TMPRSS15: variants seen among roughly 807,000 people sequenced by gnomAD.
TMPRSS15 encodes the protein enteropeptidase.
In TMPRSS15, 128 loss-of-function variants were observed where a neutral mutation model predicts 125.3. The ratio of observed to expected loss-of-function variants is 1.02; its 90% confidence interval spans 0.89 to 1.18. TMPRSS15 has a LOEUF of 1.18. Ranked by LOEUF, TMPRSS15 falls within the 50% of genes most tolerant of loss-of-function variation. The pLI is 0.00. For synonymous variants in TMPRSS15, 446 were observed against 423.2 expected (o/e 1.05, Z -0.66); for missense variants, 1,283 against 1,212.7 (o/e 1.06, Z -0.86).
chr21:18,353,078 A>T (rs746098068), intron 9 of TMPRSS15, 26 bp from the exon 10 acceptor site: 3 of 1,598,040 alleles, frequency 1.9e-6, no homozygotes, highest in Non-Finnish European at 2.6e-6. Context: ...AAGAAGGAAT[A>T]AAAAAAATTT....
chr21:18,282,199 C>A (rs2074709858), intron 21 of TMPRSS15, among the ~76,000 whole-genome samples: 1 of 150,844 alleles, frequency 6.6e-6, no homozygotes, highest in South Asian at 2.1e-4. Context: ...ACAATGTTGG[C>A]CATCTATAAT....
intron 1 of TMPRSS15, among the ~76,000 whole-genome samples, chr21:18,412,199 C>T (rs7283463): frequency 0.99 from 150,250 of 152,288 alleles, 74,146 homozygotes; most frequent in Middle Eastern, 1. Context: ...TTAATAATCC[C>T]AGTGCCCAGA....
chr21:18,470,489 T>C (rs955911826), intron 1 of TMPRSS15, among the ~76,000 whole-genome samples: 1 of 152,030 alleles, frequency 6.6e-6, no homozygotes, highest in African/African-American at 2.4e-5. Context: ...TCTAAGCAAA[T>C]GCTGAGTTAT....
intron 1 of TMPRSS15, among the ~76,000 whole-genome samples, chr21:18,429,859 A>T (rs2076212670): frequency 6.6e-6 from 1 of 152,230 alleles, no homozygotes; most frequent in Non-Finnish European, 1.5e-5. Flanking sequence ...ATGTTCAACT[A>T]CATGTTACTC....
At chr21:18,440,698 G>T (rs2076239603) in intron 1 of TMPRSS15, among the ~76,000 whole-genome samples, 1 of 151,892 alleles carries the variant, frequency 6.6e-6, no homozygotes, top group African/African-American at 2.4e-5. Context: ...TTGAATAATT[G>T]TGTATTTAAC....
chr21:18,423,148 G>A (rs2076195690), intron 1 of TMPRSS15, among the ~76,000 whole-genome samples: 2 of 152,274 alleles, frequency 1.3e-5, no homozygotes, highest in East Asian at 3.9e-4. Flanking sequence ...ATGACTTATA[G>A]TTTACTCTTG....
In TMPRSS15 at chr21:18,398,181, C is replaced by G. The variant is rs772595252; in HGVS notation, c.276+18G>C. 1 of 1,613,394 alleles carries G rather than the reference C, an allele frequency of 6.2e-7. No homozygotes were observed. The highest frequency in any genetic ancestry group is 8.5e-7 in the Non-Finnish European group (1 of 1,179,588). On this transcript the variant is annotated intron_variant, in intron 2 of 24. Transcript: ENST00000284885. ...TAAACTGTGTTATAAAATTTGAAAC[C>G]AGCTGTCAGTCTCCTACCATTTGCT...
intron 1 of TMPRSS15, among the ~76,000 whole-genome samples, chr21:18,476,529 C>G (rs532720819): frequency 2.0e-5 from 3 of 152,128 alleles, no homozygotes; most frequent in South Asian, 4.1e-4. Flanking sequence ...GTGCTTGAAA[C>G]AAACTATTTT....
rs562037268 is a variant in TMPRSS15 at position 18,402,679 on chromosome 21, A to G, written c.145+799T>C. 7.2e-5 allele frequency among the ~76,000 whole-genome samples: 11 copies of G among 152,242 alleles called. 1 individual carries two copies. In the South Asian group the frequency reaches 2.3e-3, roughly 32 times the overall value. ...TTCAATTTTTTAAATTTACCCTATA[A>G]ATGAATAAGTGGTAAGATGGACTAT... On this transcript the variant is annotated intron_variant, in intron 1 of 24. Coordinates refer to ENST00000284885, the MANE Select transcript of TMPRSS15 (RefSeq NM_002772.3).
Position 18,343,833 on chromosome 21 carries a change from A to C in TMPRSS15, c.1277+122T>G, listed in dbSNP as rs971795078. 3.4e-6 allele frequency: 4 copies of C among 1,178,570 alleles called. No individual in the cohort carries two copies. The Middle Eastern group carries it at 5.8e-4, about 172-fold the overall frequency. The allele number at this position is 1,178,570 out of a possible 1,614,324, so 73.0% of individuals were successfully genotyped here. A position where few individuals can be genotyped will look rare whatever the true frequency, so the allele number is the denominator to read the frequency against. On this transcript the variant is annotated intron_variant, in intron 11 of 24. Transcript: ENST00000284885. The stretch of plus-strand genomic sequence containing the variant: ...TGTTTTATTGCTTATCAGTTGGGAA[A>C]AGTAATAGTATATGCATTAAAACTT...
chr21:18,381,494 C>T (rs1247257668), intron 4 of TMPRSS15, among the ~76,000 whole-genome samples: 1 of 152,074 alleles, frequency 6.6e-6, no homozygotes, highest in Non-Finnish European at 1.5e-5. Context: ...GAAATACCTA[C>T]AATTAACTTG....
At chr21:18,464,172 CAAAA>C (rs1163284712) in intron 1 of TMPRSS15, among the ~76,000 whole-genome samples, 7 of 37,184 alleles carry the variant, frequency 1.9e-4, no homozygotes, top group South Asian at 1.3e-3. Context: ...GACTCCGTCT[CAAAA>C]AAAAAAAAAA....
chr21:18,356,782 C>T (rs745837778), intron 8 of TMPRSS15, among the ~76,000 whole-genome samples: 1 of 151,794 alleles, frequency 6.6e-6, no homozygotes, highest in Non-Finnish European at 1.5e-5. Flanking sequence ...TTGTTTAATT[C>T]CATAATGCAG....
intron 1 of TMPRSS15, among the ~76,000 whole-genome samples, chr21:18,436,627 G>GCAT (rs993372286): frequency 6.6e-5 from 10 of 150,958 alleles, no homozygotes; most frequent in Non-Finnish European, 1.2e-4. Context: ...AAAATCACAA[G>GCAT]CATTCTTACA....
At chr21:18,380,726 C>T in intron 4 of TMPRSS15, 2 of 330,944 alleles carry the variant, frequency 6.0e-6, no homozygotes, top group Non-Finnish European at 1.3e-5. Flanking sequence ...CTAAGCCTTC[C>T]TATTCATTAT....
chr21:18,367,064 T>A (rs752587789), intron 6 of TMPRSS15, among the ~76,000 whole-genome samples: 1 of 152,080 alleles, frequency 6.6e-6, no homozygotes, highest in Non-Finnish European at 1.5e-5. Flanking sequence ...AAATTTACTT[T>A]GGTAACTTAA....
intron 18 of TMPRSS15, among the ~76,000 whole-genome samples, chr21:18,305,078 C>A (rs117312198): frequency 4.5e-4 from 69 of 151,930 alleles, no homozygotes; most frequent in Admixed American, 8.5e-4. Context: ...CTAGAATGCA[C>A]CTGAATTACC....
Position 18,272,458 on chromosome 21 carries a change from T to A in TMPRSS15, c.2905-2334A>T, listed in dbSNP as rs114813406. Reference sequence around the variant, plus strand: ...TATGCATGGGACCCGGTGCGGTGGCTCACACCTGTGATCACAGCACTTTGG... The same window carrying A: ...TATGCATGGGACCCGGTGCGGTGGCACACACCTGTGATCACAGCACTTTGG... On this transcript the variant is annotated intron_variant, in intron 24 of 24. Transcript: ENST00000284885. Among the ~76,000 whole-genome samples the A allele has an allele frequency of 3.7e-3, 568 of 152,272 alleles. 4 individuals carry two copies. The highest frequency in any genetic ancestry group is 0.013 in the African/African-American group (539 of 41,544).
chr21:18,443,728 C>A (rs1284946584), intron 1 of TMPRSS15, among the ~76,000 whole-genome samples: 1 of 152,214 alleles, frequency 6.6e-6, no homozygotes, highest in South Asian at 2.1e-4. Flanking sequence ...CCGAACTCAG[C>A]CAGTGGCTGC....
Sources: gnomAD v4.1 joint callset for allele counts (sites outside exome capture counted in the v4.1 genomes callset) on GRCh38, gnomAD v4.1.1 for gene constraint, MANE v1.5 for transcripts, NCBI Gene and HGNC (gene_info 2026-07-23, HGNC 2026-07-21) for gene names.